HEATR5B: variants seen among roughly 807,000 people sequenced by gnomAD.
HEATR5B encodes HEAT repeat containing 5B, also known as HEAT repeat-containing protein 5B.
In HEATR5B, 156 loss-of-function variants were observed where a neutral mutation model predicts 224.1. That is an observed-to-expected ratio of 0.70 (90% CI 0.61 to 0.80). The LOEUF is 0.80. HEATR5B is among the 30% of genes least tolerant of loss of function. The pLI, the probability that HEATR5B is intolerant of heterozygous loss-of-function variation, is 0.00. For missense variants in HEATR5B, 2,323 were observed against 2,535.5 expected (o/e 0.92, Z 1.80); for synonymous variants, 1,027 against 893.0 (o/e 1.15, Z -2.68).
chr2:37,000,240 G>A (rs1471549961), intron 33 of HEATR5B, among the ~76,000 whole-genome samples: 1 of 151,860 alleles, frequency 6.6e-6, no homozygotes, highest in Non-Finnish European at 1.5e-5. Context: ...ACCATACCCG[G>A]CTAATTCTGT....
At chr2:37,066,869 TAATTA>T (rs1188800194) in intron 8 of HEATR5B, among the ~76,000 whole-genome samples, 1 of 151,952 alleles carries the variant, frequency 6.6e-6, no homozygotes, top group Non-Finnish European at 1.5e-5. Context: ...TTGAAGACTA[TAATTA>T]AATTTTTTTT....
chr2:37,006,313 C>T (rs186818904), intron 29 of HEATR5B, among the ~76,000 whole-genome samples: 1 of 152,156 alleles, frequency 6.6e-6, no homozygotes, highest in Admixed American at 6.5e-5. Flanking sequence ...CATAAGATCA[C>T]TAAAAGCTTC....
chr2:36,988,612 C>T, intron 35 of HEATR5B, 34 bp downstream of exon 35: 1 of 1,524,958 alleles, frequency 6.6e-7, no homozygotes, highest in Non-Finnish European at 9.1e-7. Flanking sequence ...GATCTTCATT[C>T]TGAACTAGTA....
rs1352824854 is a variant in HEATR5B, at chr2:37,054,248, G to A, written c.2400-641C>T. On this transcript the variant is annotated intron_variant, in intron 16 of 35. Transcript: ENST00000233099. ...TCGCTCTTGTTGCCCAGGCTGGAGT[G>A]CAATGGCGCGATCTCGGCTCACCAC... Among the ~76,000 whole-genome samples the A allele has an allele frequency of 2.2e-5, 3 of 138,206 alleles. No homozygotes were observed. In the East Asian group the frequency reaches 6.4e-4, roughly 29 times the overall value. The allele number at this position is 138,206 out of a possible 152,430, so 90.7% of individuals were successfully genotyped here. A position where few individuals can be genotyped will look rare whatever the true frequency, so the allele number is the denominator to read the frequency against.
intron 18 of HEATR5B, among the ~76,000 whole-genome samples, chr2:37,046,423 G>A (rs990865712): frequency 6.6e-6 from 1 of 152,114 alleles, no homozygotes; most frequent in Non-Finnish European, 1.5e-5. Context: ...TGGATCATTT[G>A]AAGTCAGGAG....
chr2:37,041,432 A>G (rs1424027324), intron 18 of HEATR5B, 140 bp from the exon 19 acceptor site: 7 of 729,072 alleles, frequency 9.6e-6, no homozygotes, highest in East Asian at 2.7e-5. Flanking sequence ...CCACTCCCTA[A>G]CAGGAGTTAG....
Position 37,069,361 on chromosome 2 carries a change from ATGATTTTGACTAAAATCG to A in HEATR5B, c.928-449_928-432del, listed in dbSNP as rs1167785685. Among the ~76,000 whole-genome samples the A allele has an allele frequency of 8.5e-5, 13 of 152,246 alleles. 1 individual carries two copies. Among genetic ancestry groups the A allele is most frequent in the Admixed American group, 2.6e-4 (4 of 15,286 alleles). ...CTTGTTTCAGGATCAAGGTACAGTT[ATGATTTTGACTAAAATCG>A]TGATTTTGACTATGATCACCATTTC... On this transcript the variant is annotated intron_variant, in intron 7 of 35. Transcript: ENST00000233099.
intron 35 of HEATR5B, among the ~76,000 whole-genome samples, chr2:36,985,514 G>A (rs1665890877): frequency 6.8e-6 from 1 of 146,072 alleles, no homozygotes; most frequent in Non-Finnish European, 1.5e-5. Flanking sequence ...CTGGAGTGCA[G>A]TGGTGTGATC....
intron 27 of HEATR5B, among the ~76,000 whole-genome samples, chr2:37,013,095 A>G (rs181035299): frequency 2.6e-5 from 4 of 152,374 alleles, no homozygotes; most frequent in Admixed American, 2.6e-4. Context: ...AGGGAATGAG[A>G]AAAGTTTAGT....
At chr2:37,038,990 C>G (rs1203107634) in intron 20 of HEATR5B, among the ~76,000 whole-genome samples, 1 of 149,590 alleles carries the variant, frequency 6.7e-6, no homozygotes, top group East Asian at 1.9e-4. Flanking sequence ...TTAAAAATAT[C>G]TGTCAAAATG....
At chr2:37,060,063 TC>T in intron 12 of HEATR5B, among the ~76,000 whole-genome samples, 1 of 152,298 alleles carries the variant, frequency 6.6e-6, no homozygotes, top group South Asian at 2.1e-4. Context: ...CCTGAGCGTT[TC>T]CTGTAAGCTG....
At chr2:37,033,310 A>G (rs1444467263) in intron 21 of HEATR5B, among the ~76,000 whole-genome samples, 1 of 152,226 alleles carries the variant, frequency 6.6e-6, no homozygotes, top group Non-Finnish European at 1.5e-5. Context: ...AAAATATGTT[A>G]GTAGCCAAAA....
intron 4 of HEATR5B, chr2:37,076,137 AGTAT>A (rs1672213799): frequency 5.6e-5 from 2 of 36,018 alleles, no homozygotes; most frequent in African/African-American, 1.1e-4. Flanking sequence ...TATTTCTGAT[AGTAT>A]ACTCATCACA....
chr2:36,989,166 A>G (rs954400741), intron 34 of HEATR5B, among the ~76,000 whole-genome samples: 9 of 152,132 alleles, frequency 5.9e-5, no homozygotes, highest in African/African-American at 2.2e-4. Context: ...GCTCACTGCA[A>G]TCTCTGCCTC....
At chr2:37,050,766 C>T (rs1558345055) in intron 17 of HEATR5B, among the ~76,000 whole-genome samples, 1 of 152,110 alleles carries the variant, frequency 6.6e-6, no homozygotes, top group Non-Finnish European at 1.5e-5. Flanking sequence ...TGAGGCGAGG[C>T]GCGGTGGCCT....
intron 16 of HEATR5B, among the ~76,000 whole-genome samples, chr2:37,055,846 C>A (rs1476633987): frequency 1.3e-5 from 2 of 152,160 alleles, no homozygotes; most frequent in African/African-American, 4.8e-5. Flanking sequence ...TTCTGTTTTC[C>A]TTTTGGGAAA....
chr2:37,065,677 A>T, intron 9 of HEATR5B, 78 bp downstream of exon 9: 1 of 1,204,110 alleles, frequency 8.3e-7, no homozygotes, highest in Non-Finnish European at 1.2e-6. Context: ...ATAAGCAACT[A>T]ATCAGGAATT....
intron 33 of HEATR5B, among the ~76,000 whole-genome samples, 191 bp downstream of exon 33, chr2:37,000,395 T>C (rs115114218): frequency 0.011 from 1,717 of 152,298 alleles, 18 homozygotes; most frequent in Non-Finnish European, 0.016. Flanking sequence ...TTATAACTAT[T>C]AACACAAGGG....
chr2:37,041,376 A>G lies in HEATR5B; in HGVS notation c.2697-84T>C, dbSNP rs191635166. ...CATTATAAGTCACACAAAAACTGGGATTTATTGGGGAAATAAGAAAAGATT... is the reference window on the plus strand; with the variant it reads ...CATTATAAGTCACACAAAAACTGGGGTTTATTGGGGAAATAAGAAAAGATT... On this transcript the variant is annotated intron_variant, in intron 18 of 35. Coordinates refer to ENST00000233099, the MANE Select transcript of HEATR5B (RefSeq NM_019024.3). The G allele has an allele frequency of 2.2e-5, 27 of 1,244,268 alleles. No individual in the cohort carries two copies. The Admixed American group carries it at 5.2e-4, about 24-fold the overall frequency. 77.1% of individuals were successfully genotyped at this position (1,244,268 alleles called of 1,614,324 possible). A position where few individuals can be genotyped will look rare whatever the true frequency, so the allele number is the denominator to read the frequency against.
Sources: allele counts gnomAD v4.1 joint callset (sites outside exome capture counted in the v4.1 genomes callset), GRCh38; gene constraint gnomAD v4.1.1; transcripts MANE v1.5; gene names NCBI Gene and HGNC (gene_info 2026-07-23, HGNC 2026-07-21).